The following CEP72 variants were observed in gnomAD, a reference collection of about 807,000 sequenced individuals.
The protein encoded by CEP72 is centrosomal protein 72.
In CEP72, 78 loss-of-function variants were observed where a neutral mutation model predicts 65.7. The observed-to-expected ratio is 1.19, with a 90% CI of 0.99 to 1.43. The LOEUF (loss-of-function observed/expected upper bound fraction) is 1.43, where lower values mean the gene tolerates loss of function less well. CEP72 is among the 40% of genes most tolerant of loss of function. CEP72 has a pLI of 0.00. For missense variants in CEP72, 914 were observed against 832.9 expected, an observed-to-expected ratio of 1.10 and a Z score of -1.20; for synonymous variants, 358 against 351.7, an observed-to-expected ratio of 1.02 and a Z score of -0.20.
At chr5:650,611 C>T (rs1478561075) in intron 11 of CEP72, among the ~76,000 whole-genome samples, 1 of 10,278 alleles carries the variant, frequency 9.7e-5, no homozygotes, top group Non-Finnish European at 1.4e-4. Flanking sequence ...GACTGTGAGG[C>T]GTGGACTGAG....
At chr5:672,004 C>T (rs1740240060), downstream of CEP72, among the ~76,000 whole-genome samples, 1 of 152,196 alleles carries the variant, frequency 6.6e-6, no homozygotes, top group Non-Finnish European at 1.5e-5. Context: ...AGGAGGACGT[C>T]ACACACAGTG....
chr5:641,522 G>C (rs1193056101), intron 9 of CEP72: 30 of 982,884 alleles, frequency 3.1e-5, no homozygotes, highest in Non-Finnish European at 3.6e-5. Context: ...CCTCTTTAGA[G>C]AAGAAAAACA....
At chr5:659,281 T>C (rs1739486003), downstream of CEP72, among the ~76,000 whole-genome samples, 1 of 152,260 alleles carries the variant, frequency 6.6e-6, no homozygotes, top group Admixed American at 6.5e-5. Context: ...AACATTTTAA[T>C]CTCACAAAGT....
the CEP72 span, among the ~76,000 whole-genome samples, chr5:673,683 G>A: frequency 6.6e-6 from 1 of 152,340 alleles, no homozygotes; most frequent in Middle Eastern, 3.4e-3. Flanking sequence ...GTCAGCCAAG[G>A]CTGGCACACC....
Position 640,590 on chromosome 5 carries a change from A to G in CEP72, c.1525A>G (p.Thr509Ala), listed in dbSNP as rs868649. 0.23 allele frequency: 376,254 copies of G among 1,611,802 alleles called. 45,514 individuals are homozygous for G. Among genetic ancestry groups the G allele is most frequent in the East Asian group, 0.4 (17,983 of 44,822 alleles). ...MSEVTAELHH[T>A]HKELDDLRQH... ...CGAGGTGACGGCGGAGCTGCACCAC[A>G]CACACAAGGAGCTGGTGAGCCCGCC... Residue 509 changes from threonine to alanine, a missense_variant, in exon 9 of 12, where the codon ACA becomes GCA. Physicochemically the swap from Thr to Ala is moderately conservative, Grantham distance 58. Coordinates refer to ENST00000264935, the MANE Select transcript of CEP72 (RefSeq NM_018140.4).
chr5:644,431 T>A lies in CEP72; in HGVS notation c.1666+6T>A. 1 of 1,613,400 alleles carries A rather than the reference T, an allele frequency of 6.2e-7. No individual in the cohort carries two copies. Among genetic ancestry groups the A allele is most frequent in the Non-Finnish European group, 8.5e-7 (1 of 1,179,756 alleles). ...GTTAAATTTGCAGATCGCTGGTAAG[T>A]TGATCGTGTATTTGGTCACTTTGTA... On this transcript the variant is annotated splice_donor_region_variant and intron_variant, in intron 10 of 11. Transcript: ENST00000264935.
rs1009731120 is a variant in CEP72 at position 633,881 on chromosome 5, G to C, written c.625G>C (p.Gly209Arg). 2 of 1,613,402 alleles carry C rather than the reference G, an allele frequency of 1.2e-6. No individual in the cohort carries two copies. The highest frequency in any genetic ancestry group is 2.2e-5 in the South Asian group (2 of 91,092). Reference protein sequence around the residue: ...NLIAECEWDLGRPPGSTSFSQ... With the variant: ...NLIAECEWDLRRPPGSTSFSQ... ...CATTGCAGAGTGCGAGTGGGACCTC[G>C]GCAGGCCTCCCGGGAGCACGAGCTT... The change falls in exon 5 of 12, where the codon GGC becomes CGC. Residue 209 changes from glycine (G) to arginine (R), a missense_variant. Coordinates refer to ENST00000264935, the MANE Select transcript of CEP72 (RefSeq NM_018140.4).
Position 624,493 on chromosome 5 carries a change from C to G in CEP72, c.426C>G (p.Ser142Arg). ...QQLDDRPVRA[S>R]ERKASRLHFA... is the part of the protein sequence containing the mutation. ...TAGACGATCGCCCCGTGAGAGCAAGCGAGCGGAAGGCTTCCCGACTGCATT... is the reference window on the plus strand; with the variant it reads ...TAGACGATCGCCCCGTGAGAGCAAGGGAGCGGAAGGCTTCCCGACTGCATT... Residue 142 changes from serine (S) to arginine (R), a missense_variant, in exon 4 of 12, where the codon AGC (serine) becomes AGG (arginine). By Grantham distance (110) the Ser-to-Arg change is moderately radical. Transcript: ENST00000264935. The surrounding 1 kb of genome is among the most constrained non-coding windows in gnomAD (Gnocchi z 4.7). 7 of 1,614,008 alleles carry G rather than the reference C, an allele frequency of 4.3e-6. No homozygotes were observed. The highest frequency in any genetic ancestry group is 5.9e-6 in the Non-Finnish European group (7 of 1,179,850).
downstream of CEP72, among the ~76,000 whole-genome samples, chr5:669,896 CAT>C (rs1487934140): frequency 2.0e-4 from 30 of 152,306 alleles, no homozygotes; most frequent in African/African-American, 6.0e-4. Context: ...GCTCTCCTGA[CAT>C]AGAGTGGGCC....
At chr5:631,478 GC>G (rs1310343783) in intron 4 of CEP72, among the ~76,000 whole-genome samples, 1 of 51,496 alleles carries the variant, frequency 1.9e-5, no homozygotes, top group Non-Finnish European at 3.6e-5. Flanking sequence ...TCTGTCCAGC[GC>G]CGGGATTTGG....
intron 5 of CEP72, 42 bp from the exon 6 acceptor site, chr5:635,330 T>C (rs1737512318): frequency 7.1e-7 from 1 of 1,409,476 alleles, no homozygotes. Context: ...ATAAAACTTT[T>C]ACAATGTTTT....
At chr5:640,300 G>A (rs545284980) in intron 8 of CEP72, 108 bp from the exon 9 acceptor site, 16 of 1,472,258 alleles carry the variant, frequency 1.1e-5, no homozygotes, top group African/African-American at 5.6e-5. Context: ...CCTACCTGTC[G>A]TCTTTTTGAG....
rs771480147 is a variant in CEP72 at position 635,359 on chromosome 5, A to G, written c.692-13A>G. The G allele has an allele frequency of 1.3e-6, 2 of 1,540,738 alleles. No individual in the cohort carries two copies. Among genetic ancestry groups the G allele is most frequent in the East Asian group, 2.3e-5 (1 of 42,846 alleles). ...ATGTTTTATGAAATATTTTATTTACAATATTTTAATAGAATCCAGACATCT... is the reference window on the plus strand; with the variant it reads ...ATGTTTTATGAAATATTTTATTTACGATATTTTAATAGAATCCAGACATCT... On this transcript the variant is annotated splice_polypyrimidine_tract_variant and intron_variant, in intron 5 of 11. Transcript: ENST00000264935.
At chr5:628,766 T>C (rs1183448488) in intron 4 of CEP72, among the ~76,000 whole-genome samples, 1 of 143,314 alleles carries the variant, frequency 7.0e-6, no homozygotes, top group African/African-American at 2.6e-5. Flanking sequence ...CCCCGGGGAG[T>C]GTTCCCACGA....
intron 3 of CEP72, among the ~76,000 whole-genome samples, chr5:665,740 G>A (rs1190122087): frequency 9.1e-6 from 1 of 110,018 alleles, no homozygotes; most frequent in Non-Finnish European, 1.8e-5. Flanking sequence ...TCCTGACCAC[G>A]CCTCCCCAGG....
intron 11 of CEP72, among the ~76,000 whole-genome samples, chr5:648,736 A>G (rs56651561): frequency 0.31 from 8,935 of 28,676 alleles, 2,207 homozygotes; most frequent in Middle Eastern, 0.5. Context: ...ACTGTGAGGC[A>G]TGACTGTGAG....
In CEP72 at chr5:653,463, G is replaced by A. The variant is rs1368730861; in HGVS notation, c.*310G>A. 8.4e-6 allele frequency: 2 copies of A among 236,810 alleles called. No individual in the cohort carries two copies. Among genetic ancestry groups the A allele is most frequent in the Non-Finnish European group, 1.6e-5 (2 of 123,590 alleles). The allele number at this position is 236,810 out of a possible 1,614,324, so 14.7% of individuals were successfully genotyped here. On this transcript the variant is annotated 3_prime_UTR_variant, in exon 12 of 12. Transcript: ENST00000264935. ...TAAATGCAGTGTTCTACTGCCTGATGTGAAAGAGAGCTATGTATGATAATT... is the reference window on the plus strand; with the variant it reads ...TAAATGCAGTGTTCTACTGCCTGATATGAAAGAGAGCTATGTATGATAATT...
intron 1 of CEP72, chr5:663,340 TC>T: frequency 6.6e-6 from 1 of 152,562 alleles, no homozygotes; most frequent in Non-Finnish European, 1.5e-5. Flanking sequence ...CCCCCCGCCT[TC>T]CCCAGGCCGG....
chr5:651,126 G>A lies in CEP72; in HGVS notation c.1779-1862G>A, dbSNP rs866174739. 1.8e-4 allele frequency among the ~76,000 whole-genome samples: 12 copies of A among 67,752 alleles called. No homozygotes were observed. The East Asian group carries it at 2.5e-3, about 14-fold the overall frequency. 44.4% of individuals were successfully genotyped at this position (67,752 alleles called of 152,430 possible). On this transcript the variant is annotated intron_variant, in intron 11 of 11. Coordinates refer to ENST00000264935, the MANE Select transcript of CEP72 (RefSeq NM_018140.4). ...GGACTGTGAGGTGTGACTGTGAGGCGTGGACTGTGAGGTGTGACTGAGGCG... is the reference window on the plus strand; with the variant it reads ...GGACTGTGAGGTGTGACTGTGAGGCATGGACTGTGAGGTGTGACTGAGGCG...
Sources: gnomAD v4.1 joint callset for allele counts (sites outside exome capture counted in the v4.1 genomes callset) on GRCh38, gnomAD v4.1.1 for gene constraint, Gnocchi (gnomAD v3.1) non-coding constraint, MANE v1.5 for transcripts, NCBI Gene and HGNC (gene_info 2026-07-23, HGNC 2026-07-21) for gene names.